ACAD11: variants seen among roughly 807,000 people sequenced by gnomAD.
The protein encoded by ACAD11 is acyl-CoA dehydrogenase family member 11.
ACAD11 carries 83 observed loss-of-function variants against 102.2 expected under a neutral mutation model. The observed-to-expected ratio is 0.81, with a 90% CI of 0.68 to 0.97. ACAD11 has a LOEUF of 0.97. ACAD11 is among the 50% of genes least tolerant of loss of function. The pLI is 0.00. For missense variants in ACAD11, 901 were observed against 951.7 expected (o/e 0.95, Z 0.70); for synonymous variants, 324 against 319.8 (o/e 1.01, Z -0.14).
chr3:132,578,835 C>T lies in ACAD11; in HGVS notation c.1735G>A (p.Val579Ile). Residue 579 changes from valine to isoleucine, a missense_variant, in exon 15 of 20, where the codon GTA becomes ATA. Transcript: ENST00000264990. Reference protein sequence around the residue: ...MILVPMNTPGVKIIRPLSVFG... With the variant: ...MILVPMNTPGIKIIRPLSVFG... ...ACTGACAAAGGCCTTATTATTTTTACTCCAGGTGTGTTCATGGGAACAAGA... is the reference window on the plus strand; with the variant it reads ...ACTGACAAAGGCCTTATTATTTTTATTCCAGGTGTGTTCATGGGAACAAGA... 1 of 1,613,136 alleles carries T rather than the reference C, an allele frequency of 6.2e-7. No individual in the cohort carries two copies. The highest frequency in any genetic ancestry group is 8.5e-7 in the Non-Finnish European group (1 of 1,179,490).
At chr3:132,605,561 A>G (rs1026250311) in intron 11 of ACAD11, among the ~76,000 whole-genome samples, 3 of 152,206 alleles carry the variant, frequency 2.0e-5, no homozygotes, top group Non-Finnish European at 4.4e-5. Flanking sequence ...AGTGATTGCA[A>G]TGCTCCCGGA....
intron 13 of ACAD11, among the ~76,000 whole-genome samples, chr3:132,583,926 A>C (rs1259555907): frequency 6.6e-6 from 1 of 151,884 alleles, no homozygotes; most frequent in African/African-American, 2.4e-5. Flanking sequence ...AGTTTGATAT[A>C]ATTTCTGTTC....
At chr3:132,569,672 A>G (rs1054286834) in intron 17 of ACAD11, among the ~76,000 whole-genome samples, 4 of 152,182 alleles carry the variant, frequency 2.6e-5, no homozygotes, top group African/African-American at 9.7e-5. Context: ...AACACAACCT[A>G]GATAAATCTC....
chr3:132,628,654 T>C (rs1167584043), intron 7 of ACAD11, among the ~76,000 whole-genome samples: 1 of 152,166 alleles, frequency 6.6e-6, no homozygotes, highest in African/African-American at 2.4e-5. Flanking sequence ...CATACTCTCA[T>C]CCTAACATAA....
chr3:132,560,132 A>G (rs1937009572), intron 18 of ACAD11, among the ~76,000 whole-genome samples, 190 bp from the exon 19 acceptor site: 2 of 152,062 alleles, frequency 1.3e-5, no homozygotes, highest in Admixed American at 1.3e-4. Context: ...GGAAAGAGAC[A>G]CCTCTTCCAA....
At chr3:132,628,561 T>G (rs1939913244) in intron 7 of ACAD11, 115 bp from the exon 8 acceptor site, 1 of 650,746 alleles carries the variant, frequency 1.5e-6, no homozygotes, top group Non-Finnish European at 2.6e-6. Context: ...TATGAAGACG[T>G]AAAACAGACT....
chr3:132,592,119 T>C (rs1938107771), intron 13 of ACAD11, among the ~76,000 whole-genome samples: 1 of 152,058 alleles, frequency 6.6e-6, no homozygotes, highest in African/African-American at 2.4e-5. Flanking sequence ...AATACATAGT[T>C]TGTAGAATTT....
At chr3:132,588,226 C>T (rs1015291246) in intron 13 of ACAD11, among the ~76,000 whole-genome samples, 3 of 128,678 alleles carry the variant, frequency 2.3e-5, no homozygotes, top group African/African-American at 8.2e-5. Context: ...TGTATGTATG[C>T]ATGTAGGTAT....
chr3:132,586,948 G>T (rs568097745), intron 13 of ACAD11, among the ~76,000 whole-genome samples: 1 of 152,228 alleles, frequency 6.6e-6, no homozygotes, highest in African/African-American at 2.4e-5. Flanking sequence ...CAAAAAATTA[G>T]CCAGGCATGG....
At chr3:132,581,957 A>G (rs147374566) in intron 13 of ACAD11, among the ~76,000 whole-genome samples, 1 of 152,186 alleles carries the variant, frequency 6.6e-6, no homozygotes, top group Non-Finnish European at 1.5e-5. Context: ...GAATATAAAT[A>G]TTAGTAATCC....
chr3:132,630,525 T>C lies in ACAD11; in HGVS notation c.875A>G (p.Tyr292Cys), dbSNP rs1390565297. Residue 292 changes from tyrosine (Y) to cysteine (C), a missense_variant, in exon 7 of 20, where the codon TAT (tyrosine) becomes TGT (cysteine). By Grantham distance (194) the Tyr-to-Cys change is radical. Transcript: ENST00000264990. Reference sequence around the variant, plus strand: ...AGAATTAATTCCCCTGCAGCGGCAATATATTGAAATCAGTTCTTCCATTGA... The same window carrying C: ...AGAATTAATTCCCCTGCAGCGGCAACATATTGAAATCAGTTCTTCCATTGA... ...IPSMEELISI[Y>C]CRCRGINSIL... 2 of 1,612,674 alleles carry C rather than the reference T, an allele frequency of 1.2e-6. No individual in the cohort carries two copies. Among genetic ancestry groups the C allele is most frequent in the South Asian group, 1.1e-5 (1 of 90,786 alleles).
intron 13 of ACAD11, chr3:132,601,106 C>T (rs779768710): frequency 2.5e-5 from 41 of 1,613,604 alleles, no homozygotes; most frequent in African/African-American, 4.0e-5. Context: ...TAAAATATCT[C>T]GACCCCTAAA....
At position 132,559,879 on chromosome 3, in the gene ACAD11, C is replaced by T. The variant is rs1408214384; in HGVS notation, c.2182G>A (p.Val728Met). 1.9e-6 allele frequency: 3 copies of T among 1,613,604 alleles called. No individual in the cohort carries two copies. In the Admixed American group the frequency reaches 5.0e-5, roughly 27 times the overall value. Residue 728 changes from valine (V) to methionine (M), a missense_variant, in exon 19 of 20, where the codon GTG becomes ATG. Val to Met is a conservative substitution (Grantham distance 21). Transcript: ENST00000264990. ...VSKIVDWAIQ[V>M]CGGAGVSQDY... ...TGGGAAACACCAGCACCTCCGCACACCTGGATGGCCCAGTCAACGATTTTG... is the reference window on the plus strand; with the variant it reads ...TGGGAAACACCAGCACCTCCGCACATCTGGATGGCCCAGTCAACGATTTTG...
At chr3:132,627,005 C>T in intron 8 of ACAD11, 188 bp from the exon 9 acceptor site, 1 of 528,006 alleles carries the variant, frequency 1.9e-6, no homozygotes, top group Non-Finnish European at 3.2e-6. Context: ...CCATTTTAAA[C>T]ATTTAACTTT....
chr3:132,577,357 T>C (rs1218889214), intron 15 of ACAD11, among the ~76,000 whole-genome samples: 1 of 152,222 alleles, frequency 6.6e-6, no homozygotes, highest in East Asian at 1.9e-4. Context: ...ATTTTACATA[T>C]GGGGTTCCAA....
At chr3:132,648,094 C>G (rs1364022592) in intron 1 of ACAD11, among the ~76,000 whole-genome samples, 1 of 152,128 alleles carries the variant, frequency 6.6e-6, no homozygotes, top group African/African-American at 2.4e-5. Context: ...ACATTTAGAT[C>G]ATAGTAAAGC....
intron 17 of ACAD11, among the ~76,000 whole-genome samples, chr3:132,573,281 T>C (rs950312490): frequency 6.6e-6 from 1 of 152,152 alleles, no homozygotes; most frequent in Admixed American, 6.5e-5. Context: ...CTACTAACCA[T>C]ATGTGGCTAA....
chr3:132,644,742 A>G (rs1272948174), intron 2 of ACAD11, 55 bp downstream of exon 2: 17 of 1,117,386 alleles, frequency 1.5e-5, no homozygotes, highest in Non-Finnish European at 2.2e-5. Context: ...CTTTGTGTGT[A>G]TTAAAAGCAT....
At position 132,611,656 on chromosome 3, in the gene ACAD11, C is replaced by A. The variant is rs1939154512; in HGVS notation, c.1415-6451G>T. On this transcript the variant is annotated intron_variant, in intron 11 of 19. Transcript: ENST00000264990. ...CAAAGAGAATAAAATACCTAGGAAT[C>A]CAACTTACAAGGGATGTGAAGGACC... 2.6e-5 allele frequency among the ~76,000 whole-genome samples: 4 copies of A among 152,004 alleles called. No individual in the cohort carries two copies. The South Asian group carries it at 8.3e-4, about 32-fold the overall frequency.
Sources: allele counts gnomAD v4.1 joint callset (sites outside exome capture counted in the v4.1 genomes callset), GRCh38; gene constraint gnomAD v4.1.1; transcripts MANE v1.5; gene names NCBI Gene and HGNC (gene_info 2026-07-23, HGNC 2026-07-21).